The following MYLK variants were observed in gnomAD, a reference collection of about 807,000 sequenced individuals.
The protein encoded by MYLK is myosin light chain kinase, smooth muscle.
Under a neutral mutation model 203.4 loss-of-function variants are expected in MYLK, and 106 were observed. The observed-to-expected ratio is 0.52, with a 90% confidence interval of 0.45 to 0.61. MYLK has a LOEUF of 0.61. Among genes scored for constraint, MYLK ranks in the 20% least tolerant of loss-of-function variants. The pLI is 0.00. For missense variants in MYLK, 2,072 were observed against 2,442.3 expected (o/e 0.85, Z 3.20); for synonymous variants, 867 against 959.5 (o/e 0.90, Z 1.78).
At chr3:123,731,031 C>A (rs951566298) in intron 11 of MYLK, among the ~76,000 whole-genome samples, 2 of 152,134 alleles carry the variant, frequency 1.3e-5, no homozygotes, top group African/African-American at 2.4e-5. Flanking sequence ...TAGATGAATT[C>A]ACAGCAGAAG....
At chr3:123,663,984 A>G (rs820324) in intron 23 of MYLK, 121 bp downstream of exon 23, 1,213,611 of 1,419,334 alleles carry the variant, frequency 0.86, 535,102 homozygotes, top group Non-Finnish European at 0.9. Flanking sequence ...TGCCTTATAA[A>G]TCAGGCACAG....
chr3:123,725,916 G>A, intron 12 of MYLK, 28 bp downstream of exon 12: 1 of 1,610,704 alleles, frequency 6.2e-7, no homozygotes, highest in South Asian at 1.1e-5. Flanking sequence ...GGGGATGGGA[G>A]CAGAGAGCTG....
intron 2 of MYLK, among the ~76,000 whole-genome samples, chr3:123,854,047 T>C (rs2031120657): frequency 6.6e-6 from 1 of 151,402 alleles, no homozygotes; most frequent in African/African-American, 2.4e-5. Context: ...TGCTGGAAGA[T>C]GAGAAGCAAT....
chr3:123,749,375 T>C (rs2063127374), intron 5 of MYLK, among the ~76,000 whole-genome samples: 1 of 152,094 alleles, frequency 6.6e-6, no homozygotes, highest in African/African-American at 2.4e-5. Context: ...AGAGGGCAGG[T>C]ACCACGTCTC....
chr3:123,866,534 G>A (rs1352481546), intron 2 of MYLK, among the ~76,000 whole-genome samples: 1 of 152,150 alleles, frequency 6.6e-6, no homozygotes, highest in African/African-American at 2.4e-5. Flanking sequence ...AAACCATGTT[G>A]GATAGGGGAT....
At chr3:123,798,495 G>A (rs1266106397) in intron 3 of MYLK, among the ~76,000 whole-genome samples, 4 of 152,050 alleles carry the variant, frequency 2.6e-5, no homozygotes, top group South Asian at 2.1e-4. Context: ...CTGGAAGGTA[G>A]GAGTGGCTCA....
chr3:123,852,528 T>C (rs1237339254), intron 2 of MYLK, among the ~76,000 whole-genome samples: 1 of 152,232 alleles, frequency 6.6e-6, no homozygotes, highest in Non-Finnish European at 1.5e-5. Flanking sequence ...GAGGTGTTTA[T>C]AGTATTCTCT....
chr3:123,856,515 T>A (rs1014886880), intron 2 of MYLK, among the ~76,000 whole-genome samples: 5 of 152,264 alleles, frequency 3.3e-5, no homozygotes, highest in Admixed American at 3.3e-4. Context: ...GAGTACCTCT[T>A]AATAATAACA....
chr3:123,694,145 C>G (rs1301727770), intron 18 of MYLK, among the ~76,000 whole-genome samples: 3 of 152,200 alleles, frequency 2.0e-5, no homozygotes, highest in African/African-American at 7.2e-5. Context: ...GTGTAATATT[C>G]CCCTTTACTC....
chr3:123,631,995 G>A (rs549404618), intron 29 of MYLK, among the ~76,000 whole-genome samples: 3 of 151,634 alleles, frequency 2.0e-5, no homozygotes, highest in South Asian at 2.1e-4. Context: ...TCAGCCTCCC[G>A]AGTAGCTGGG....
chr3:123,677,053 C>T (rs2060093202), intron 20 of MYLK, among the ~76,000 whole-genome samples: 1 of 152,060 alleles, frequency 6.6e-6, no homozygotes, highest in Non-Finnish European at 1.5e-5. Flanking sequence ...GCCATTTGGG[C>T]CCCCTCCAGC....
chr3:123,770,044 C>T (rs571234945), intron 4 of MYLK, among the ~76,000 whole-genome samples: 23 of 151,970 alleles, frequency 1.5e-4, no homozygotes, highest in African/African-American at 4.8e-4. Context: ...GGTGCAGTGG[C>T]TCATGCCTGT....
chr3:123,841,579 C>A (rs751224401), intron 2 of MYLK, among the ~76,000 whole-genome samples: 2 of 152,138 alleles, frequency 1.3e-5, no homozygotes, highest in African/African-American at 2.4e-5. Context: ...CGTCTTCAGA[C>A]ATCCTCTCTT....
chr3:123,774,493 GA>G (rs143332369), intron 4 of MYLK, among the ~76,000 whole-genome samples: 10 of 151,606 alleles, frequency 6.6e-5, no homozygotes, highest in South Asian at 2.1e-4. Context: ...TTATAGGTAA[GA>G]AAAAAAAATC....
intron 20 of MYLK, among the ~76,000 whole-genome samples, chr3:123,671,519 C>T (rs2059911998): frequency 6.6e-6 from 1 of 152,064 alleles, no homozygotes; most frequent in African/African-American, 2.4e-5. Flanking sequence ...GGAAGAGCAC[C>T]AGGTGTGCCC....
chr3:123,707,632 T>C, intron 16 of MYLK, 122 bp downstream of exon 16: 4 of 1,503,540 alleles, frequency 2.7e-6, no homozygotes, highest in Non-Finnish European at 3.7e-6. Flanking sequence ...CCGCACTTGC[T>C]TTACCTGGAA....
intron 2 of MYLK, among the ~76,000 whole-genome samples, chr3:123,862,269 T>C (rs73201838): frequency 0.013 from 2,030 of 152,368 alleles, 28 homozygotes; most frequent in Middle Eastern, 0.024. Context: ...TTCATCTGTG[T>C]ATTCAGCAAG....
At chr3:123,778,326 T>A (rs1489152832) in intron 4 of MYLK, among the ~76,000 whole-genome samples, 2 of 151,778 alleles carry the variant, frequency 1.3e-5, no homozygotes, top group African/African-American at 4.8e-5. Flanking sequence ...ATAATAAGAA[T>A]CATCAATCCC....
chr3:123,711,032 A>G (rs1397021765), intron 13 of MYLK, among the ~76,000 whole-genome samples: 2 of 152,086 alleles, frequency 1.3e-5, no homozygotes, highest in South Asian at 4.1e-4. Flanking sequence ...TTGAGGCTGC[A>G]GTAAGCCATG....
Sources: gnomAD v4.1 joint callset for allele counts (sites outside exome capture counted in the v4.1 genomes callset) on GRCh38, gnomAD v4.1.1 for gene constraint, MANE v1.5 for transcripts, NCBI Gene and HGNC (gene_info 2026-07-23, HGNC 2026-07-21) for gene names.